The following PCNT variants were observed in gnomAD, a reference collection of about 807,000 sequenced individuals.
The protein encoded by PCNT is pericentrin, also known as kendrin.
In PCNT, 319 loss-of-function variants were observed where a neutral mutation model predicts 380.4. The observed-to-expected ratio is 0.84, with a 90% CI of 0.77 to 0.92. The LOEUF is 0.92. Among genes scored for constraint, PCNT ranks in the 40% least tolerant of loss-of-function variants. The probability of loss-of-function intolerance (pLI) is 0.00; values close to 1 mark genes in which losing one functional copy is unlikely to be tolerated. For synonymous variants in PCNT, 1,845 were observed against 1,735.2 expected, an observed-to-expected ratio of 1.06 and a Z score of -1.57; for missense variants, 4,400 against 4,255.3, an observed-to-expected ratio of 1.03 and a Z score of -0.95.
At chr21:46,327,161 T>C (rs1021677900) in intron 2 of PCNT, among the ~76,000 whole-genome samples, 1 of 151,312 alleles carries the variant, frequency 6.6e-6, no homozygotes, top group Non-Finnish European at 1.5e-5. Flanking sequence ...CCCGGGTTCA[T>C]GCCATTCTCC....
At chr21:46,443,299 C>G (rs2053659526) in intron 44 of PCNT, 1 of 169,472 alleles carries the variant, frequency 5.9e-6, no homozygotes, top group Non-Finnish European at 1.3e-5. Flanking sequence ...CTCACTGCAG[C>G]CTTGAACTCG....
chr21:46,444,187 AT>A (rs976400241), intron 45 of PCNT, among the ~76,000 whole-genome samples: 5 of 152,180 alleles, frequency 3.3e-5, no homozygotes, highest in Admixed American at 3.3e-4. Flanking sequence ...GAAAGAGTAA[AT>A]GGTGGCCGAG....
intron 15 of PCNT, among the ~76,000 whole-genome samples, chr21:46,371,147 T>C (rs9984188): frequency 0.67 from 101,667 of 151,442 alleles, 34,804 homozygotes; most frequent in African/African-American, 0.79. Context: ...TGCTTGAACC[T>C]GGGAATCTGA....
intron 27 of PCNT, among the ~76,000 whole-genome samples, chr21:46,404,327 T>C (rs186863703): frequency 6.6e-5 from 10 of 152,388 alleles, no homozygotes; most frequent in Admixed American, 5.9e-4. Flanking sequence ...TTCATATCTG[T>C]AGGGTCAGTG....
At chr21:46,354,244 C>A (rs1265074512) in intron 11 of PCNT, among the ~76,000 whole-genome samples, 176 bp downstream of exon 11, 1 of 152,184 alleles carries the variant, frequency 6.6e-6, no homozygotes, top group East Asian at 1.9e-4. Context: ...TCACCATGCA[C>A]TGTTTGATCA....
intron 5 of PCNT, 61 bp downstream of exon 5, chr21:46,347,059 T>G: frequency 6.4e-7 from 1 of 1,552,674 alleles, no homozygotes; most frequent in Non-Finnish European, 8.7e-7. Flanking sequence ...TTCTAGTGCC[T>G]GTTCCCTCTT....
chr21:46,419,726 C>T (rs892389551), intron 31 of PCNT, among the ~76,000 whole-genome samples: 1 of 152,186 alleles, frequency 6.6e-6, no homozygotes, highest in African/African-American at 2.4e-5. Flanking sequence ...CCCAGGCGGC[C>T]CCTTGCCCCT....
chr21:46,339,878 G>A (rs899751762), intron 3 of PCNT, among the ~76,000 whole-genome samples: 18 of 152,146 alleles, frequency 1.2e-4, no homozygotes, highest in African/African-American at 3.6e-4. Flanking sequence ...TTTCTTCAAT[G>A]TGTGGATGAT....
Position 46,359,242 on chromosome 21 carries a change from C to G in PCNT, c.2154+2051C>G, listed in dbSNP as rs993480217. Among the ~76,000 whole-genome samples, 61 of 147,046 alleles carry G rather than the reference C, an allele frequency of 4.1e-4. 3 individuals are homozygous for G. Among genetic ancestry groups the G allele is most frequent in the Middle Eastern group, 3.3e-3 (1 of 306 alleles). On this transcript the variant is annotated intron_variant, in intron 13 of 46. Coordinates refer to ENST00000359568, the MANE Select transcript of PCNT (RefSeq NM_006031.6). ...TGTTGGGACTACAGGCGTGAGCCACCGAACCTGGCTCCAGGTGACTTTTTG... is the reference window on the plus strand; with the variant it reads ...TGTTGGGACTACAGGCGTGAGCCACGGAACCTGGCTCCAGGTGACTTTTTG...
chr21:46,384,834 C>T (rs190949637), intron 16 of PCNT, among the ~76,000 whole-genome samples: 5 of 151,418 alleles, frequency 3.3e-5, no homozygotes, highest in East Asian at 1.9e-4. Flanking sequence ...AGCGCATTCA[C>T]GGTGTTGTGC....
Position 46,398,319 on chromosome 21 carries a change from G to A in PCNT, c.4584+64G>A. The A allele has an allele frequency of 2.7e-6, 4 of 1,508,596 alleles. No individual in the cohort carries two copies. The Admixed American group carries it at 7.7e-5, about 29-fold the overall frequency. 93.5% of individuals were successfully genotyped at this position (1,508,596 alleles called of 1,614,324 possible). ...GCGCCCAGGCTCCCCTGCGCTCGCT[G>A]GGACTGTCCTGCCACCCACTCGCTT... On this transcript the variant is annotated intron_variant, in intron 24 of 46. Transcript: ENST00000359568.
chr21:46,335,434 G>A (rs1042762218), intron 3 of PCNT, among the ~76,000 whole-genome samples: 7 of 152,096 alleles, frequency 4.6e-5, no homozygotes, highest in South Asian at 2.1e-4. Context: ...GGTGGCTCAC[G>A]CCTGTAATCC....
rs764829521 is a variant in PCNT at position 46,438,337 on chromosome 21, C to G, written c.9273C>G (p.Ser3091Arg). The G allele has an allele frequency of 6.2e-6, 10 of 1,613,744 alleles. No homozygotes were observed. Among genetic ancestry groups the G allele is most frequent in the East Asian group, 2.2e-5 (1 of 44,878 alleles). Residue 3091 changes from serine (S) to arginine (R), a missense_variant and splice_region_variant, in exon 41 of 47, where the codon AGC (serine) becomes AGG (arginine). Transcript: ENST00000359568. ...KHHLQKGCSPSRSERSAWKPD... is the reference protein window; with the variant it reads ...KHHLQKGCSPRRSERSAWKPD... ...ATCTGCAGAAGGGCTGCAGCCCAAG[C>G]GTAGGTGTCTGTGCTTAACTCTTAC...
intron 36 of PCNT, 44 bp downstream of exon 36, chr21:46,430,276 C>T (rs755095893): frequency 9.5e-5 from 147 of 1,551,522 alleles, no homozygotes; most frequent in Non-Finnish European, 1.2e-4. Context: ...GGAGTCCCCC[C>T]GTTGTGCCAT....
intron 3 of PCNT, among the ~76,000 whole-genome samples, chr21:46,343,775 A>G (rs118155036): frequency 0.047 from 7,159 of 152,198 alleles, 219 homozygotes; most frequent in Non-Finnish European, 0.063. Flanking sequence ...GCAATTTTTA[A>G]ATTACTGTTT....
intron 36 of PCNT, 67 bp downstream of exon 36, chr21:46,430,299 A>G: frequency 6.7e-7 from 1 of 1,493,962 alleles, no homozygotes; most frequent in Non-Finnish European, 9.2e-7. Flanking sequence ...TTTCTTGGTG[A>G]TGAAGGGAGA....
chr21:46,349,766 T>C lies in PCNT; in HGVS notation c.1290T>C (p.Cys430=). Residue 430 remains cysteine, a synonymous_variant, in exon 8 of 47, where the codon TGT becomes TGC. Transcript: ENST00000359568. ...ACCTGCAGTCCGAGCACGGCCGGTG[T>C]TTAGAAGACTTGGAGTTCAAGTTCA... is the stretch of plus-strand genomic sequence containing the variant. ...REDLQSEHGR[C]LEDLEFKFKE... is the part of the protein sequence containing the mutation. 1 of 1,614,142 alleles carries C rather than the reference T, an allele frequency of 6.2e-7. No homozygotes were observed.
Position 46,422,081 on chromosome 21 carries a change from C to T in PCNT, c.7136C>T (p.Pro2379Leu), listed in dbSNP as rs151230453. ...ATCTCTGGAAGGTTTCAGCCGCTGC[C>T]GGAAGCCATGAAGGAGAAGGAAGTG... ...ASISGRFQPL[P>L]EAMKEKEVRP... The change falls in exon 32 of 47, where the codon CCG (proline) becomes CTG (leucine). Residue 2379 changes from proline (P) to leucine (L), a missense_variant. By Grantham distance (98) the Pro-to-Leu change is moderately conservative. Coordinates refer to ENST00000359568, the MANE Select transcript of PCNT (RefSeq NM_006031.6). The T allele has an allele frequency of 3.5e-5, 57 of 1,613,804 alleles. No individual in the cohort carries two copies. The highest frequency in any genetic ancestry group is 1.7e-4 in the Admixed American group (10 of 60,016).
In PCNT at chr21:46,416,763, T is replaced by C; in HGVS notation, c.6845T>C (p.Val2282Ala). Reference protein sequence around the residue: ...QGPGLLCSPGVSAAALALQWA... With the variant: ...QGPGLLCSPGASAAALALQWA... ...CCGGGGCTGCTTTGTTCCCCAGGCG[T>C]GTCTGCAGCAGCGCTGGCACTGCAG... The change falls in exon 30 of 47, where the codon GTG (valine) becomes GCG (alanine). Residue 2282 changes from valine (V) to alanine (A), a missense_variant. Val to Ala is a moderately conservative substitution (Grantham distance 64). Transcript: ENST00000359568. 6.2e-7 allele frequency: 1 copy of C among 1,604,276 alleles called. No individual in the cohort carries two copies. The highest frequency in any genetic ancestry group is 1.3e-5 in the African/African-American group (1 of 74,980).
Sources: gnomAD v4.1 joint callset for allele counts (sites outside exome capture counted in the v4.1 genomes callset) on GRCh38, gnomAD v4.1.1 for gene constraint, MANE v1.5 for transcripts, NCBI Gene and HGNC (gene_info 2026-07-23, HGNC 2026-07-21) for gene names.